The following POU2F1 variants were observed in gnomAD, a reference collection of about 807,000 sequenced individuals.
POU2F1 encodes POU class 2 homeobox 1.
POU2F1 carries 16 observed loss-of-function variants against 84.9 expected under a neutral mutation model. The observed-to-expected ratio is 0.19, with a 90% confidence interval of 0.13 to 0.29. The LOEUF (loss-of-function observed/expected upper bound fraction) is 0.29. POU2F1 is among the 10% of genes least tolerant of loss of function. The probability of loss-of-function intolerance (pLI) is 1.00; values close to 1 mark genes in which losing one functional copy is unlikely to be tolerated. For synonymous variants in POU2F1, 368 were observed against 368.3 expected (o/e 1.00, Z 0.01); for missense variants, 738 against 942.6 (o/e 0.78, Z 2.84).
chr1:167,416,087 TA>T lies in POU2F1; in HGVS notation c.*296del, dbSNP rs34032944. On this transcript the variant is annotated 3_prime_UTR_variant, in exon 16 of 16. Coordinates refer to ENST00000367866, the MANE Select transcript of POU2F1 (RefSeq NM_002697.4). ...ATTGGAGAACTTTCTAACCAAAAAT[TA>T]AAAAAAAAAAAAAAAAAAGAAACAA... is the stretch of plus-strand genomic sequence containing the variant. The T allele has an allele frequency of 0.48, 166,567 of 350,194 alleles. 21,381 individuals carry two copies. Among genetic ancestry groups the T allele is most frequent in the Admixed American group, 0.56 (12,244 of 21,724 alleles). 21.7% of individuals were successfully genotyped at this position (350,194 alleles called of 1,614,324 possible).
At chr1:167,255,005 T>C (rs1651022985) in intron 1 of POU2F1, among the ~76,000 whole-genome samples, 1 of 152,240 alleles carries the variant, frequency 6.6e-6, no homozygotes, top group South Asian at 2.1e-4. Context: ...TTTGTGAAGC[T>C]TTTTCACAGT....
chr1:167,230,155 A>C (rs908458404), intron 1 of POU2F1, among the ~76,000 whole-genome samples: 2 of 152,176 alleles, frequency 1.3e-5, no homozygotes, highest in African/African-American at 4.8e-5. Flanking sequence ...CACCAATCCC[A>C]GTTTGAGACA....
intron 1 of POU2F1, among the ~76,000 whole-genome samples, chr1:167,308,378 T>C (rs1655235000): frequency 6.6e-6 from 1 of 151,764 alleles, no homozygotes; most frequent in South Asian, 2.1e-4. Context: ...GTTTCTTGAC[T>C]GATTACGTTA....
intron 9 of POU2F1, among the ~76,000 whole-genome samples, chr1:167,391,960 C>G (rs575482302): frequency 6.6e-6 from 1 of 152,194 alleles, no homozygotes; most frequent in East Asian, 1.9e-4. Flanking sequence ...AGAGGAAATA[C>G]AGTTACATTT....
At chr1:167,343,690 G>A in intron 2 of POU2F1, among the ~76,000 whole-genome samples, 1 of 51,866 alleles carries the variant, frequency 1.9e-5, no homozygotes, top group Admixed American at 3.2e-4. Flanking sequence ...TTTTTTTGAA[G>A]GAAGGAAAGG....
chr1:167,324,444 A>G (rs1459295886), intron 1 of POU2F1, among the ~76,000 whole-genome samples: 1 of 147,106 alleles, frequency 6.8e-6, no homozygotes, highest in Non-Finnish European at 1.5e-5. Flanking sequence ...ATCCAAACTC[A>G]AAAGGCTTTG....
chr1:167,258,812 A>C (rs1027726817), intron 1 of POU2F1, among the ~76,000 whole-genome samples: 1 of 152,270 alleles, frequency 6.6e-6, no homozygotes. Context: ...ATACAGGTCT[A>C]CTAATGAGAA....
chr1:167,413,148 T>C, intron 15 of POU2F1, 34 bp downstream of exon 15: 3 of 1,496,002 alleles, frequency 2.0e-6, no homozygotes, highest in Non-Finnish European at 2.7e-6. Flanking sequence ...TTTGGTGGCA[T>C]GCACGTGTGT....
intron 1 of POU2F1, among the ~76,000 whole-genome samples, chr1:167,315,753 A>G (rs1379795661): frequency 6.6e-6 from 1 of 151,772 alleles, no homozygotes; most frequent in East Asian, 1.9e-4. Flanking sequence ...GCAGTGAGCT[A>G]TGATTATACT....
chr1:167,228,945 A>G (rs1396593516), intron 1 of POU2F1, among the ~76,000 whole-genome samples: 3 of 152,142 alleles, frequency 2.0e-5, no homozygotes, highest in African/African-American at 7.2e-5. Flanking sequence ...TACTATACCC[A>G]TTTTATAGTC....
intron 1 of POU2F1, among the ~76,000 whole-genome samples, chr1:167,277,273 G>T (rs1372494704): frequency 6.6e-6 from 1 of 151,806 alleles, no homozygotes; most frequent in Non-Finnish European, 1.5e-5. Flanking sequence ...ATCTTGCTCT[G>T]CTGCCTAGGC....
intron 1 of POU2F1, among the ~76,000 whole-genome samples, chr1:167,275,574 C>T (rs547201850): frequency 2.0e-5 from 3 of 152,006 alleles, no homozygotes; most frequent in South Asian, 4.1e-4. Flanking sequence ...TGTTAGTGTT[C>T]GCTTGAGCAC....
At chr1:167,284,559 T>C (rs1653386153) in intron 1 of POU2F1, among the ~76,000 whole-genome samples, 1 of 152,240 alleles carries the variant, frequency 6.6e-6, no homozygotes, top group Non-Finnish European at 1.5e-5. Flanking sequence ...CTGTATTCAC[T>C]TTGCCTTTCC....
intron 1 of POU2F1, 60 bp downstream of exon 1, chr1:167,221,018 C>G (rs1243336582): frequency 7.3e-6 from 10 of 1,377,838 alleles, no homozygotes; most frequent in South Asian, 2.5e-5. Context: ...CCCGCTGCCC[C>G]CCCCCGCGAC....
chr1:167,239,483 C>A (rs1018653355), intron 1 of POU2F1, among the ~76,000 whole-genome samples: 1 of 152,096 alleles, frequency 6.6e-6, no homozygotes, highest in African/African-American at 2.4e-5. Context: ...TAATTCGTAC[C>A]ACAGGTATAC....
At chr1:167,403,643 G>C (rs1033767468) in intron 13 of POU2F1, among the ~76,000 whole-genome samples, 4 of 152,068 alleles carry the variant, frequency 2.6e-5, no homozygotes, top group Non-Finnish European at 5.9e-5. Flanking sequence ...ATTAAAGACG[G>C]CCATTGTCTT....
intron 2 of POU2F1, among the ~76,000 whole-genome samples, chr1:167,335,255 A>G (rs535449167): frequency 9.7e-4 from 148 of 152,328 alleles, no homozygotes; most frequent in African/African-American, 3.5e-3. Context: ...ACAATTCATT[A>G]AGAGATAAGA....
At chr1:167,271,202 T>C (rs1652347243) in intron 1 of POU2F1, among the ~76,000 whole-genome samples, 1 of 152,136 alleles carries the variant, frequency 6.6e-6, no homozygotes, top group Non-Finnish European at 1.5e-5. Context: ...ATTAGACAAA[T>C]AGTAAATTTT....
At chr1:167,351,930 A>G (rs1051337642) in intron 2 of POU2F1, among the ~76,000 whole-genome samples, 1 of 152,216 alleles carries the variant, frequency 6.6e-6, no homozygotes, top group African/African-American at 2.4e-5. Context: ...TCATTTGTGG[A>G]AAAATGACAA....
Sources: allele counts gnomAD v4.1 joint callset (sites outside exome capture counted in the v4.1 genomes callset), GRCh38; gene constraint gnomAD v4.1.1; transcripts MANE v1.5; gene names NCBI Gene and HGNC (gene_info 2026-07-23, HGNC 2026-07-21).